KIAA0825: variants seen among roughly 807,000 people sequenced by gnomAD.
The protein encoded by KIAA0825 is KIAA0825.
In KIAA0825, 119 loss-of-function variants were observed where a neutral mutation model predicts 147.6. The observed-to-expected ratio is 0.81, with a 90% CI of 0.69 to 0.94. KIAA0825 has a LOEUF of 0.94. Ranked by LOEUF, KIAA0825 falls within the 40% of genes least tolerant of loss-of-function variation. The pLI is 0.00. For missense variants in KIAA0825, 1,381 were observed against 1,472.7 expected (o/e 0.94, Z 1.02); for synonymous variants, 470 against 518.1 (o/e 0.91, Z 1.26).
At chr5:94,294,542 A>T (rs1471669627) in intron 20 of KIAA0825, among the ~76,000 whole-genome samples, 4 of 152,182 alleles carry the variant, frequency 2.6e-5, no homozygotes. Context: ...CCTGACCAAC[A>T]TGGTGAAACC....
intron 20 of KIAA0825, among the ~76,000 whole-genome samples, chr5:94,328,784 G>A (rs1055178435): frequency 6.6e-6 from 1 of 151,438 alleles, no homozygotes; most frequent in Non-Finnish European, 1.5e-5. Context: ...ATGTTCCTTT[G>A]CAATAATTAC....
At chr5:94,558,827 T>C (rs993721512) in intron 2 of KIAA0825, among the ~76,000 whole-genome samples, 4 of 152,222 alleles carry the variant, frequency 2.6e-5, no homozygotes, top group Non-Finnish European at 5.9e-5. Context: ...ATTCCACAAG[T>C]GCATTCCCTA....
intron 20 of KIAA0825, among the ~76,000 whole-genome samples, chr5:94,326,830 G>A (rs1379683276): frequency 6.6e-6 from 1 of 152,178 alleles, no homozygotes; most frequent in Non-Finnish European, 1.5e-5. Flanking sequence ...ATACCCCCTA[G>A]CGGGGGCACA....
At chr5:94,486,256 G>A (rs937689681) in intron 5 of KIAA0825, among the ~76,000 whole-genome samples, 1 of 151,986 alleles carries the variant, frequency 6.6e-6, no homozygotes, top group Non-Finnish European at 1.5e-5. Flanking sequence ...TGCCTTTGGA[G>A]ACAAAATACA....
intron 1 of KIAA0825, among the ~76,000 whole-genome samples, chr5:94,605,160 T>C (rs1787259808): frequency 6.6e-6 from 1 of 152,024 alleles, no homozygotes; most frequent in Non-Finnish European, 1.5e-5. Flanking sequence ...AACTAGAACA[T>C]CTAGAAGAAA....
intron 5 of KIAA0825, among the ~76,000 whole-genome samples, chr5:94,512,590 T>C (rs1256858895): frequency 6.7e-6 from 1 of 148,562 alleles, no homozygotes; most frequent in African/African-American, 2.5e-5. Flanking sequence ...AGCAAGATCC[T>C]GTCTTAAAAA....
intron 20 of KIAA0825, among the ~76,000 whole-genome samples, chr5:94,307,798 A>G (rs1247547937): frequency 6.6e-6 from 1 of 151,732 alleles, no homozygotes; most frequent in Non-Finnish European, 1.5e-5. Context: ...TCCACCATAT[A>G]TTATATTTTC....
intron 20 of KIAA0825, among the ~76,000 whole-genome samples, chr5:94,180,069 T>C (rs1441905986): frequency 6.6e-6 from 1 of 152,048 alleles, no homozygotes; most frequent in East Asian, 1.9e-4. Flanking sequence ...TCCCCCAAAG[T>C]ACTTAGTAAT....
chr5:94,552,403 A>G (rs1426357254), intron 2 of KIAA0825, among the ~76,000 whole-genome samples: 1 of 152,170 alleles, frequency 6.6e-6, no homozygotes, highest in African/African-American at 2.4e-5. Context: ...TAAACAGACA[A>G]AATAGACCTA....
chr5:94,226,392 T>C (rs1562322741), intron 20 of KIAA0825, among the ~76,000 whole-genome samples: 3 of 151,962 alleles, frequency 2.0e-5, no homozygotes, highest in South Asian at 2.1e-4. Flanking sequence ...TGTGGAGGAA[T>C]AGGAACACTT....
intron 20 of KIAA0825, among the ~76,000 whole-genome samples, chr5:94,240,158 A>G (rs1021971882): frequency 6.6e-6 from 1 of 152,242 alleles, no homozygotes; most frequent in African/African-American, 2.4e-5. Flanking sequence ...TAATAATTCT[A>G]TGATTTATTG....
At chr5:94,430,659 A>G (rs1755544010) in intron 14 of KIAA0825, among the ~76,000 whole-genome samples, 1 of 152,210 alleles carries the variant, frequency 6.6e-6, no homozygotes, top group Non-Finnish European at 1.5e-5. Flanking sequence ...TATTACTTGT[A>G]ATATAATGCC....
intron 1 of KIAA0825, among the ~76,000 whole-genome samples, chr5:94,596,958 C>T (rs942488969): frequency 1.3e-5 from 2 of 152,104 alleles, no homozygotes; most frequent in Non-Finnish European, 2.9e-5. Context: ...GTTATTTTAT[C>T]ATCTAAAGGA....
chr5:94,533,818 C>T (rs1771418207), intron 3 of KIAA0825, among the ~76,000 whole-genome samples: 1 of 152,138 alleles, frequency 6.6e-6, no homozygotes, highest in Non-Finnish European at 1.5e-5. Context: ...ACTAGTCACC[C>T]AGGTCTGACT....
rs115265416 is a variant in KIAA0825, at chr5:94,306,840, G to A, written c.3710+77528C>T. Among the ~76,000 whole-genome samples, 937 of 151,784 alleles carry A rather than the reference G, an allele frequency of 6.2e-3. 10 individuals are homozygous for A. Among genetic ancestry groups the A allele is most frequent in the African/African-American group, 0.022 (908 of 41,448 alleles). On this transcript the variant is annotated intron_variant, in intron 20 of 20. Coordinates refer to ENST00000682413, the MANE Select transcript of KIAA0825 (RefSeq NM_001145678.3). ...ATTGCCTTAATAACAAGTGAAGAGA[G>A]AAAAATAGAAAGAACACATGATAGT...
intron 20 of KIAA0825, among the ~76,000 whole-genome samples, chr5:94,222,919 A>G (rs979488134): frequency 6.6e-6 from 1 of 152,178 alleles, no homozygotes; most frequent in Admixed American, 6.5e-5. Flanking sequence ...TAACATATCC[A>G]TCAACTTGCA....
chr5:94,335,015 C>T (rs1156247039), intron 20 of KIAA0825, among the ~76,000 whole-genome samples: 1 of 152,048 alleles, frequency 6.6e-6, no homozygotes, highest in Non-Finnish European at 1.5e-5. Context: ...CTGAATAAAA[C>T]CAGGATTTGT....
At chr5:94,474,834 TC>T (rs1360256796) in intron 7 of KIAA0825, among the ~76,000 whole-genome samples, 1 of 152,204 alleles carries the variant, frequency 6.6e-6, no homozygotes, top group Non-Finnish European at 1.5e-5. Context: ...ATGCCAGTAA[TC>T]CCAGCACTTT....
chr5:94,346,120 T>G (rs915774058), intron 20 of KIAA0825, among the ~76,000 whole-genome samples: 1 of 152,198 alleles, frequency 6.6e-6, no homozygotes, highest in African/African-American at 2.4e-5. Context: ...TTTTTACTTC[T>G]TCTTTCTTTG....
Sources: gnomAD v4.1 joint callset for allele counts (sites outside exome capture counted in the v4.1 genomes callset) on GRCh38, gnomAD v4.1.1 for gene constraint, MANE v1.5 for transcripts, NCBI Gene and HGNC (gene_info 2026-07-23, HGNC 2026-07-21) for gene names.